Variants in DIAPH1 observed in about 807,000 individuals in gnomAD.
DIAPH1 encodes protein diaphanous homolog 1.
In DIAPH1, 46 loss-of-function variants were observed where a neutral mutation model predicts 140.7. That is an observed-to-expected ratio of 0.33 (90% confidence interval 0.26 to 0.42). The LOEUF (loss-of-function observed/expected upper bound fraction) is 0.42. Among genes scored for constraint, DIAPH1 ranks in the 10% least tolerant of loss-of-function variants. The pLI is 1.00. For synonymous variants in DIAPH1, 565 were observed against 551.6 expected (o/e 1.02, Z -0.34); for missense variants, 1,310 against 1,558.7 (o/e 0.84, Z 2.69).
At chr5:141,563,562 GAAGT>G (rs1470208551) in intron 18 of DIAPH1, 3 of 152,146 alleles carry the variant, frequency 2.0e-5, no homozygotes, top group Admixed American at 2.0e-4. Flanking sequence ...CAAGATGTTA[GAAGT>G]TTAAGTAATA....
rs569835597 is a variant in DIAPH1 at position 141,516,481 on chromosome 5, T to C, written c.*370A>G. On this transcript the variant is annotated 3_prime_UTR_variant, in exon 28 of 28. Coordinates refer to ENST00000389054, the MANE Select transcript of DIAPH1 (RefSeq NM_005219.5). ...AAGCACAAATCCAGCAAGACTGACCTAGGGGGGAAAGCCCATTAGAAAGTC... is the reference window on the plus strand; with the variant it reads ...AAGCACAAATCCAGCAAGACTGACCCAGGGGGGAAAGCCCATTAGAAAGTC... The C allele has an allele frequency of 1.8e-5, 6 of 335,054 alleles. No homozygotes were observed. The highest frequency in any genetic ancestry group is 3.5e-5 in the Non-Finnish European group (6 of 172,992). 20.8% of individuals were successfully genotyped at this position (335,054 alleles called of 1,614,324 possible). A position where few individuals can be genotyped will look rare whatever the true frequency, so the allele number is the denominator to read the frequency against.
At chr5:141,517,793 C>T (rs189784193) in intron 27 of DIAPH1, among the ~76,000 whole-genome samples, 4 of 152,230 alleles carry the variant, frequency 2.6e-5, no homozygotes, top group African/African-American at 9.6e-5. Context: ...GGTCAAGTTC[C>T]GGCTGTCATA....
intron 18 of DIAPH1, among the ~76,000 whole-genome samples, chr5:141,555,938 G>T (rs2099892500): frequency 6.6e-6 from 1 of 152,148 alleles, no homozygotes; most frequent in Non-Finnish European, 1.5e-5. Context: ...CTCTACGAGT[G>T]TCCTGCCAGC....
rs2099887580 is a variant in DIAPH1 at position 141,527,650 on chromosome 5, T to C, written c.3196A>G (p.Ile1066Val). 1 of 1,609,528 alleles carries C rather than the reference T, an allele frequency of 6.2e-7. No individual in the cohort carries two copies. The highest frequency in any genetic ancestry group is 8.5e-7 in the Non-Finnish European group (1 of 1,178,746). Residue 1066 changes from isoleucine to valine, a missense_variant, in exon 24 of 28, where the codon ATT becomes GTT. Coordinates refer to ENST00000389054, the MANE Select transcript of DIAPH1 (RefSeq NM_005219.5). ...TGAACATCACGTTCCACATCAGAAA[T>C]TTGTTTCTTCATCTGATCTAGGTTC... is the stretch of plus-strand genomic sequence containing the variant. ...QKNLDQMKKQ[I>V]SDVERDVQNF... is the part of the protein sequence containing the mutation.
intron 18 of DIAPH1, among the ~76,000 whole-genome samples, chr5:141,568,721 G>T (rs1054041745): frequency 1.3e-5 from 2 of 152,106 alleles, no homozygotes; most frequent in African/African-American, 2.4e-5. Flanking sequence ...TCTTGGAGGG[G>T]CCAGTAGGTA....
At chr5:141,572,129 C>T (rs541214537) in intron 16 of DIAPH1, 89 bp from the exon 17 acceptor site, 1 of 901,594 alleles carries the variant, frequency 1.1e-6, no homozygotes, top group South Asian at 1.3e-5. Context: ...AAATAGGTGG[C>T]TGGCTGATTA....
rs369935242 is a variant in DIAPH1, at chr5:141,517,022, C to T, written c.3662-14G>A. 51 of 1,614,106 alleles carry T rather than the reference C, an allele frequency of 3.2e-5. No individual in the cohort carries two copies. In the African/African-American group the frequency reaches 4.3e-4, roughly 13 times the overall value. On this transcript the variant is annotated splice_polypyrimidine_tract_variant and intron_variant, in intron 27 of 27. Transcript: ENST00000389054. The stretch of plus-strand genomic sequence containing the variant: ...CCTTCCTGTTGGCTGCAAGAGAAGA[C>T]GAGAGATTCTGTCTATGGAAGGCCT...
At chr5:141,554,693 T>C (rs1465761490) in intron 18 of DIAPH1, among the ~76,000 whole-genome samples, 2 of 152,120 alleles carry the variant, frequency 1.3e-5, no homozygotes, top group South Asian at 2.1e-4. Flanking sequence ...ATAAAAATAA[T>C]AACAGATCAC....
intron 18 of DIAPH1, chr5:141,557,974 T>C (rs2154595859): frequency 6.6e-6 from 1 of 152,176 alleles, no homozygotes; most frequent in South Asian, 2.1e-4. Flanking sequence ...GCAAAAACAA[T>C]CTGTCTAAAA....
At chr5:141,575,179 C>G in intron 14 of DIAPH1, 33 bp from the exon 15 acceptor site, 1 of 1,610,062 alleles carries the variant, frequency 6.2e-7, no homozygotes, top group Non-Finnish European at 8.5e-7. Context: ...TCCCAGCAAG[C>G]TCTCCATCTC....
intron 12 of DIAPH1, 95 bp from the exon 13 acceptor site, chr5:141,576,966 G>T (rs191561343): frequency 2.5e-6 from 2 of 797,158 alleles, no homozygotes; most frequent in Non-Finnish European, 4.3e-6. Context: ...TCTGACAACT[G>T]AGAGACCTGG....
intron 1 of DIAPH1, among the ~76,000 whole-genome samples, chr5:141,592,112 T>TA (rs1330526925): frequency 2.7e-5 from 4 of 149,804 alleles, no homozygotes; most frequent in Non-Finnish European, 4.5e-5. Context: ...AAAGAAAATT[T>TA]AAAAAAAATT....
chr5:141,519,268 A>ACTCC (rs1162802810), intron 27 of DIAPH1, among the ~76,000 whole-genome samples: 1 of 152,050 alleles, frequency 6.6e-6, no homozygotes, highest in African/African-American at 2.4e-5. Flanking sequence ...CTTCTGAAGT[A>ACTCC]CTCCCTCTCT....
intron 18 of DIAPH1, among the ~76,000 whole-genome samples, chr5:141,553,853 ATTTTT>A (rs772170415): frequency 6.6e-6 from 1 of 152,030 alleles, no homozygotes; most frequent in Non-Finnish European, 1.5e-5. Flanking sequence ...GGCTTAAAAC[ATTTTT>A]TTTAAGACCA....
At chr5:141,581,674 G>A (rs2099896770) in intron 7 of DIAPH1, among the ~76,000 whole-genome samples, 1 of 152,122 alleles carries the variant, frequency 6.6e-6, no homozygotes, top group South Asian at 2.1e-4. Flanking sequence ...TGGAGCAACA[G>A]TCTAGAAGAA....
At position 141,528,745 on chromosome 5, in the gene DIAPH1, C is replaced by A. The variant is rs1421726146; in HGVS notation, c.2975G>T (p.Arg992Ile). The A allele has an allele frequency of 1.2e-6, 2 of 1,614,242 alleles. No individual in the cohort carries two copies. Among genetic ancestry groups the A allele is most frequent in the South Asian group, 2.2e-5 (2 of 91,090 alleles). ...LVGNYMNAGS[R>I]NAGAFGFNIS... Reference sequence around the variant, plus strand: ...ATTGAAGCCAAAAGCACCAGCATTTCTGGAGCCAGCATTCATGTAATTTCC... The same window carrying A: ...ATTGAAGCCAAAAGCACCAGCATTTATGGAGCCAGCATTCATGTAATTTCC... Residue 992 changes from arginine to isoleucine, a missense_variant, in exon 22 of 28, where the codon AGA becomes ATA. Arg to Ile is a moderately conservative substitution (Grantham distance 97). Transcript: ENST00000389054.
In DIAPH1 at chr5:141,590,004, G is replaced by A. The variant is rs1005445839; in HGVS notation, c.118-1754C>T. ...GGGCTCAAGTGATCTGCCCGCCTCC[G>A]CCTCCTGAGTAGCTGGGATTGCAGG... On this transcript the variant is annotated intron_variant, in intron 1 of 27. Coordinates refer to ENST00000389054, the MANE Select transcript of DIAPH1 (RefSeq NM_005219.5). Among the ~76,000 whole-genome samples, 133 of 151,718 alleles carry A rather than the reference G, an allele frequency of 8.8e-4. 1 individual carries two copies. Among genetic ancestry groups the A allele is most frequent in the African/African-American group, 3.0e-3 (126 of 41,328 alleles).
rs996695148 is a variant in DIAPH1 at position 141,565,960 on chromosome 5, T to G, written c.2482+5468A>C. On this transcript the variant is annotated intron_variant, in intron 18 of 27. Transcript: ENST00000389054. The surrounding 1 kb of genome is among the most constrained non-coding windows in gnomAD (Gnocchi z 4.3). ...GAGCAGGACAAAGACAGAAAAGGAA[T>G]TAACCGGGATTGTGGTTTTGCCAAT... 2.6e-5 allele frequency among the ~76,000 whole-genome samples: 4 copies of G among 152,172 alleles called. No individual in the cohort carries two copies. Among genetic ancestry groups the G allele is most frequent in the African/African-American group, 4.8e-5 (2 of 41,436 alleles).
intron 18 of DIAPH1, among the ~76,000 whole-genome samples, chr5:141,537,448 A>G (rs1289397195): frequency 7.1e-6 from 1 of 141,392 alleles, no homozygotes; most frequent in East Asian, 2.1e-4. Flanking sequence ...GCGCCATTGC[A>G]CTGCAGCCTG....
Sources: allele counts gnomAD v4.1 joint callset (sites outside exome capture counted in the v4.1 genomes callset), GRCh38; gene constraint gnomAD v4.1.1; non-coding constraint Gnocchi (gnomAD v3.1); transcripts MANE v1.5; gene names NCBI Gene and HGNC (gene_info 2026-07-23, HGNC 2026-07-21).